Variants in CAMLG observed in about 807,000 individuals in gnomAD.
The protein encoded by CAMLG is calcium modulating ligand.
CAMLG carries 23 observed loss-of-function variants against 28.9 expected under a neutral mutation model. The ratio of observed to expected loss-of-function variants is 0.80; its 90% CI spans 0.57 to 1.13. The LOEUF is 1.13. Ranked by LOEUF, CAMLG falls within the 50% of genes most tolerant of loss-of-function variation. CAMLG has a pLI of 0.00. For missense variants in CAMLG, 367 were observed against 371.9 expected, an observed-to-expected ratio of 0.99 and a Z score of 0.11; for synonymous variants, 141 against 146.5, an observed-to-expected ratio of 0.96 and a Z score of 0.27.
intron 3 of CAMLG, among the ~76,000 whole-genome samples, chr5:134,746,386 A>G (rs560916147): frequency 6.6e-6 from 1 of 152,308 alleles, no homozygotes; most frequent in South Asian, 2.1e-4. Flanking sequence ...TGTGTGTGAT[A>G]GAGATGTATA....
At chr5:134,743,591 G>A (rs76945664) in intron 2 of CAMLG, among the ~76,000 whole-genome samples, 15,297 of 150,286 alleles carry the variant, frequency 0.1, 1,073 homozygotes, top group East Asian at 0.27. Context: ...GCAATTGCCA[G>A]GCGCGGTGTC....
At chr5:134,738,946 C>G (rs1470504712) in intron 1 of CAMLG, among the ~76,000 whole-genome samples, 154 bp downstream of exon 1, 1 of 152,116 alleles carries the variant, frequency 6.6e-6, no homozygotes, top group Non-Finnish European at 1.5e-5. Flanking sequence ...ATCCCAAGTT[C>G]TCATCCCTGA....
intron 3 of CAMLG, among the ~76,000 whole-genome samples, chr5:134,745,213 G>A (rs1753031813): frequency 6.6e-6 from 1 of 151,696 alleles, no homozygotes; most frequent in Admixed American, 6.6e-5. Flanking sequence ...TGAGGCAGGT[G>A]GATCACGAGG....
rs767611514 is a variant in CAMLG at position 134,741,430 on chromosome 5, T to TA, written c.541dup (p.Thr181AsnfsTer6). ...AAAAACCCAGTCAAGAGGATGGAAA[T>TA]ACAACAGAAGAATTTGACTCTTTTC... On this transcript the variant is annotated frameshift_variant, in exon 2 of 4. Transcript: ENST00000297156. LOFTEE classifies it high-confidence loss of function. The TA allele has an allele frequency of 6.2e-7, 1 of 1,613,982 alleles. No individual in the cohort carries two copies. The highest frequency in any genetic ancestry group is 1.1e-5 in the South Asian group (1 of 91,082).
rs1753119588 is a variant in CAMLG, at chr5:134,752,000, C to G, written c.*1050C>G. The G allele has an allele frequency of 6.6e-6, 1 of 152,104 alleles. No individual in the cohort carries two copies. Among genetic ancestry groups the G allele is most frequent in the Non-Finnish European group, 1.5e-5 (1 of 67,992 alleles). 9.4% of individuals were successfully genotyped at this position (152,104 alleles called of 1,614,324 possible). On this transcript the variant is annotated 3_prime_UTR_variant, in exon 4 of 4. Transcript: ENST00000297156. ...CCTGGCCTTATAAATATCCTTTTAA[C>G]TAACTCAGTAACTGCCATATTTTGT...
rs1328149341 is a variant in CAMLG at position 134,750,843 on chromosome 5, G to A, written c.784G>A (p.Asp262Asn). Residue 262 changes from aspartate (D) to asparagine (N), a missense_variant, in exon 4 of 4, where the codon GAT (aspartate) becomes AAT (asparagine). Transcript: ENST00000297156. ...IPAEVINRSM[D>N]TYSKMGEVFT... Reference sequence around the variant, plus strand: ...TGCCGAAGTGATAAATCGATCAATGGATACCTATAGCAAAATGGGCGAAGT... The same window carrying A: ...TGCCGAAGTGATAAATCGATCAATGAATACCTATAGCAAAATGGGCGAAGT... 1 of 1,613,812 alleles carries A rather than the reference G, an allele frequency of 6.2e-7. No homozygotes were observed. Among genetic ancestry groups the A allele is most frequent in the East Asian group, 2.2e-5 (1 of 44,876 alleles).
In CAMLG at chr5:134,751,716, T is replaced by C. The variant is rs2150123023; in HGVS notation, c.*766T>C. 1 of 152,392 alleles carries C rather than the reference T, an allele frequency of 6.6e-6. No homozygotes were observed. Among genetic ancestry groups the C allele is most frequent in the East Asian group, 1.9e-4 (1 of 5,194 alleles). The allele number at this position is 152,392 out of a possible 1,614,324, so 9.4% of individuals were successfully genotyped here. A position where few individuals can be genotyped will look rare whatever the true frequency, so the allele number is the denominator to read the frequency against. ...TTTTTTTGAGACAGAGTTTCGCTCT[T>C]GTTGCCCAGGCTAGAGTGCAATGGC... is the stretch of plus-strand genomic sequence containing the variant. On this transcript the variant is annotated 3_prime_UTR_variant, in exon 4 of 4. Transcript: ENST00000297156.
intron 3 of CAMLG, among the ~76,000 whole-genome samples, chr5:134,746,137 C>CT (rs1753045967): frequency 1.3e-5 from 1 of 77,136 alleles, no homozygotes; most frequent in Non-Finnish European, 2.4e-5. Flanking sequence ...AACTCCATCT[C>CT]AAAAAAAAAA....
intron 3 of CAMLG, among the ~76,000 whole-genome samples, chr5:134,746,518 G>A (rs968056027): frequency 2.0e-5 from 3 of 152,042 alleles, no homozygotes; most frequent in Non-Finnish European, 4.4e-5. Context: ...GTATCACTCT[G>A]TCGCCCAGGC....
chr5:134,741,625 T>C (rs1752985762), intron 2 of CAMLG, 102 bp downstream of exon 2: 1 of 722,002 alleles, frequency 1.4e-6, no homozygotes, highest in East Asian at 2.5e-5. Flanking sequence ...AGTATTAATA[T>C]CTACCAGATC....
At chr5:134,742,367 G>A (rs148785511) in intron 2 of CAMLG, among the ~76,000 whole-genome samples, 10 of 152,244 alleles carry the variant, frequency 6.6e-5, no homozygotes, top group African/African-American at 1.4e-4. Flanking sequence ...GCTACTAAGC[G>A]GTGCTAGGAT....
chr5:134,742,170 C>T (rs753427450), intron 2 of CAMLG, among the ~76,000 whole-genome samples: 2 of 152,130 alleles, frequency 1.3e-5, no homozygotes, highest in Non-Finnish European at 2.9e-5. Context: ...CAGGAGGAAC[C>T]TGGTACCAGT....
intron 3 of CAMLG, among the ~76,000 whole-genome samples, chr5:134,748,536 TCAAA>T: frequency 6.6e-6 from 1 of 152,218 alleles, no homozygotes; most frequent in South Asian, 2.1e-4. Flanking sequence ...AGACTACGTC[TCAAA>T]CAAAAAAAAT....
At chr5:134,738,901 CT>C (rs1752951754) in intron 1 of CAMLG, 109 bp downstream of exon 1, 2 of 1,063,674 alleles carry the variant, frequency 1.9e-6, no homozygotes, top group Admixed American at 4.7e-5. Flanking sequence ...AAGCCTTGCT[CT>C]TTGATTTCCT....
chr5:134,748,395 G>C (rs1043535852), intron 3 of CAMLG, among the ~76,000 whole-genome samples: 3 of 152,038 alleles, frequency 2.0e-5, no homozygotes, highest in Admixed American at 6.6e-5. Context: ...AAAATTTGCC[G>C]GGCATGATGG....
Position 134,744,021 on chromosome 5 carries a change from C to A in CAMLG, c.668C>A (p.Ala223Glu). ...GCTCCATTTCTTACTTTACAACTTG[C>A]GTACATGGGATTATACAAATATTTT... ...IFAPFLTLQL[A>E]YMGLYKYFPK... is the part of the protein sequence containing the mutation. The change falls in exon 3 of 4, where the codon GCG becomes GAG. Residue 223 changes from alanine to glutamate, a missense_variant. Physicochemically the swap from Ala to Glu is moderately radical, Grantham distance 107 (BLOSUM62 -1). Coordinates refer to ENST00000297156, the MANE Select transcript of CAMLG (RefSeq NM_001745.4). 6.9e-7 allele frequency: 1 copy of A among 1,443,252 alleles called. No homozygotes were observed. The highest frequency in any genetic ancestry group is 9.7e-7 in the Non-Finnish European group (1 of 1,027,652). 89.4% of individuals were successfully genotyped at this position (1,443,252 alleles called of 1,614,324 possible).
intron 2 of CAMLG, among the ~76,000 whole-genome samples, chr5:134,741,736 A>T (rs1161679817): frequency 6.6e-6 from 1 of 152,222 alleles, no homozygotes; most frequent in East Asian, 1.9e-4. Flanking sequence ...TTGGCCCTCC[A>T]TATCAGTTGG....
At chr5:134,740,486 C>T (rs1752968916) in intron 1 of CAMLG, among the ~76,000 whole-genome samples, 1 of 152,156 alleles carries the variant, frequency 6.6e-6, no homozygotes, top group Non-Finnish European at 1.5e-5. Flanking sequence ...ATATCTTTCC[C>T]AGTTTGTCTA....
intron 3 of CAMLG, among the ~76,000 whole-genome samples, chr5:134,746,913 C>T (rs149104825): frequency 6.6e-5 from 10 of 152,110 alleles, no homozygotes; most frequent in East Asian, 1.9e-4. Context: ...CATGGTGAAA[C>T]GCTATGTCTG....
Sources: gnomAD v4.1 joint callset for allele counts (sites outside exome capture counted in the v4.1 genomes callset) on GRCh38, gnomAD v4.1.1 for gene constraint, MANE v1.5 for transcripts, NCBI Gene and HGNC (gene_info 2026-07-23, HGNC 2026-07-21) for gene names.